SORCS1: variants seen among roughly 807,000 people sequenced by gnomAD.
SORCS1 encodes VPS10 domain-containing receptor SorCS1.
In SORCS1, 60 loss-of-function variants were observed where a neutral mutation model predicts 146.1. That is an observed-to-expected ratio of 0.41 (90% CI 0.33 to 0.51). SORCS1 has a LOEUF of 0.51. SORCS1 is among the 20% of genes least tolerant of loss of function. The pLI is 0.21. For missense variants in SORCS1, 1,352 were observed against 1,487.6 expected, an observed-to-expected ratio of 0.91 and a Z score of 1.50; for synonymous variants, 637 against 584.0, an observed-to-expected ratio of 1.09 and a Z score of -1.31.
chr10:106,835,564 C>G (rs1948743101), intron 2 of SORCS1, among the ~76,000 whole-genome samples: 1 of 152,166 alleles, frequency 6.6e-6, no homozygotes, highest in Non-Finnish European at 1.5e-5. Flanking sequence ...TCTATCATAT[C>G]TTGAAGGATA....
intron 1 of SORCS1, among the ~76,000 whole-genome samples, chr10:107,149,724 C>A (rs1026936784): frequency 5.9e-5 from 9 of 152,232 alleles, no homozygotes; most frequent in African/African-American, 2.2e-4. Context: ...AAGAACACAA[C>A]ATTCTAAGAT....
intron 16 of SORCS1, 21 bp downstream of exon 16, chr10:106,671,216 G>A (rs1040002057): frequency 6.2e-7 from 1 of 1,613,766 alleles, no homozygotes; most frequent in African/African-American, 1.3e-5. Context: ...ATGGCTCCAG[G>A]AGATAATTGC....
chr10:107,109,132 A>T (rs1199586737), intron 1 of SORCS1, among the ~76,000 whole-genome samples: 2 of 152,166 alleles, frequency 1.3e-5, no homozygotes. Context: ...GCATGGTGCA[A>T]GCTGCCAGTG....
intron 18 of SORCS1, among the ~76,000 whole-genome samples, chr10:106,650,244 C>T (rs766846280): frequency 6.6e-6 from 1 of 152,164 alleles, no homozygotes; most frequent in Non-Finnish European, 1.5e-5. Context: ...TCACTCTAAT[C>T]GATTCAGAGA....
chr10:106,880,731 G>A (rs1950773204), intron 2 of SORCS1, among the ~76,000 whole-genome samples: 1 of 152,114 alleles, frequency 6.6e-6, no homozygotes, highest in Admixed American at 6.5e-5. Flanking sequence ...TGGAAGAAGA[G>A]TATCAGTATA....
chr10:107,178,579 A>G, the SORCS1 span, among the ~76,000 whole-genome samples: 2 of 151,760 alleles, frequency 1.3e-5, no homozygotes, highest in South Asian at 4.2e-4. Context: ...GCTCACTGCA[A>G]CCTCTACTTC....
chr10:106,879,017 G>A (rs907525604), intron 2 of SORCS1, among the ~76,000 whole-genome samples: 1 of 151,876 alleles, frequency 6.6e-6, no homozygotes, highest in Non-Finnish European at 1.5e-5. Flanking sequence ...GGACATGGTG[G>A]TGGGCGCCTG....
chr10:106,705,965 G>A (rs143777208), intron 8 of SORCS1, among the ~76,000 whole-genome samples: 96 of 152,304 alleles, frequency 6.3e-4, no homozygotes, highest in Middle Eastern at 6.8e-3. Flanking sequence ...GGCTGAGAAA[G>A]CAAAGGCTGG....
intron 1 of SORCS1, among the ~76,000 whole-genome samples, chr10:107,118,201 T>C (rs1305184040): frequency 6.6e-6 from 1 of 152,160 alleles, no homozygotes; most frequent in East Asian, 1.9e-4. Context: ...CCTCACATTC[T>C]ACCATGTGAG....
intron 1 of SORCS1, among the ~76,000 whole-genome samples, chr10:107,009,464 G>A (rs948647093): frequency 6.6e-6 from 1 of 152,176 alleles, no homozygotes; most frequent in African/African-American, 2.4e-5. Flanking sequence ...TGTTTAAATT[G>A]AGAAGAGAAA....
intron 24 of SORCS1, among the ~76,000 whole-genome samples, chr10:106,583,876 T>G (rs193178936): frequency 5.3e-4 from 81 of 152,264 alleles, no homozygotes; most frequent in Non-Finnish European, 8.8e-4. Flanking sequence ...CATGGTAGCA[T>G]CACCCAGTGA....
chr10:106,743,757 A>G (rs1857518879), intron 5 of SORCS1, among the ~76,000 whole-genome samples: 1 of 152,206 alleles, frequency 6.6e-6, no homozygotes, highest in South Asian at 2.1e-4. Context: ...TGCTTTAAAA[A>G]TAACACCGCT....
upstream of SORCS1, among the ~76,000 whole-genome samples, chr10:107,167,621 G>A (rs1970082955): frequency 6.6e-6 from 1 of 151,776 alleles, no homozygotes; most frequent in Admixed American, 6.6e-5. Context: ...CAAGTACAAG[G>A]GCACAAGCAC....
intron 24 of SORCS1, among the ~76,000 whole-genome samples, chr10:106,586,571 G>A (rs1271465440): frequency 6.6e-6 from 1 of 152,086 alleles, no homozygotes; most frequent in Non-Finnish European, 1.5e-5. Context: ...CCTCTAGCCT[G>A]GCTAACTCAG....
chr10:106,833,391 A>G (rs923847363), intron 2 of SORCS1, among the ~76,000 whole-genome samples: 2 of 152,226 alleles, frequency 1.3e-5, no homozygotes, highest in African/African-American at 4.8e-5. Context: ...AGCGTGTCCC[A>G]AAGAACTGGA....
At chr10:107,162,220 A>G (rs1296549639) in intron 1 of SORCS1, among the ~76,000 whole-genome samples, 3 of 152,192 alleles carry the variant, frequency 2.0e-5, no homozygotes, top group African/African-American at 7.2e-5. Flanking sequence ...TGGGTGAGTG[A>G]TATTTTACAG....
chr10:106,779,009 A>T (rs1054834496), intron 3 of SORCS1, among the ~76,000 whole-genome samples: 7 of 152,170 alleles, frequency 4.6e-5, no homozygotes, highest in Non-Finnish European at 8.8e-5. Context: ...TGCATAAGAC[A>T]TCCTGTATCA....
chr10:106,691,302 T>C (rs1391550628), intron 9 of SORCS1, among the ~76,000 whole-genome samples: 1 of 152,186 alleles, frequency 6.6e-6, no homozygotes, highest in Non-Finnish European at 1.5e-5. Flanking sequence ...TACATCCCAC[T>C]GTTGGAAGTC....
chr10:106,937,536 A>G (rs974200667), intron 2 of SORCS1, among the ~76,000 whole-genome samples: 2 of 152,134 alleles, frequency 1.3e-5, no homozygotes, highest in Non-Finnish European at 2.9e-5. Flanking sequence ...CTGCTGCCAT[A>G]TAAGACATGC....
Sources: allele counts gnomAD v4.1 joint callset (sites outside exome capture counted in the v4.1 genomes callset), GRCh38; gene constraint gnomAD v4.1.1; transcripts MANE v1.5; gene names NCBI Gene and HGNC (gene_info 2026-07-23, HGNC 2026-07-21).